NALCN: variants seen among roughly 807,000 people sequenced by gnomAD.
The protein encoded by NALCN is sodium leak channel NALCN.
NALCN carries 111 observed loss-of-function variants against 225.3 expected under a neutral mutation model. The ratio of observed to expected loss-of-function variants is 0.49; its 90% CI spans 0.42 to 0.58. The LOEUF (loss-of-function observed/expected upper bound fraction) is 0.58, where lower values mean the gene tolerates loss of function less well. NALCN is among the 20% of genes least tolerant of loss of function. The probability of loss-of-function intolerance (pLI) is 0.00; values close to 1 mark genes in which losing one functional copy is unlikely to be tolerated. For missense variants in NALCN, 1,378 were observed against 2,202.4 expected (o/e 0.63, Z 7.49); for synonymous variants, 764 against 769.0 (o/e 0.99, Z 0.11).
intron 15 of NALCN, among the ~76,000 whole-genome samples, chr13:101,158,818 T>C (rs973082937): frequency 6.6e-6 from 1 of 152,210 alleles, no homozygotes; most frequent in Non-Finnish European, 1.5e-5. Context: ...AAAGGAGGAA[T>C]AATCTCTCTC....
At chr13:101,055,794 G>A (rs1223118835) in intron 43 of NALCN, among the ~76,000 whole-genome samples, 1 of 152,070 alleles carries the variant, frequency 6.6e-6, no homozygotes, top group East Asian at 1.9e-4. Context: ...ACTATTAAGT[G>A]TCACAGAAAC....
intron 7 of NALCN, among the ~76,000 whole-genome samples, chr13:101,342,614 T>C (rs1420617421): frequency 2.6e-5 from 4 of 152,184 alleles, no homozygotes; most frequent in Admixed American, 1.3e-4. Context: ...AGATCCACAG[T>C]AGGCAGAATC....
In NALCN at chr13:101,338,904, G is replaced by T. The variant is rs947246281; in HGVS notation, c.799+6362C>A. ...AAGTGAGTTCAGCCTGCCTCTGCCCGGAGTTCTCTGTAATTCTAATCCCAC... is the reference window on the plus strand; with the variant it reads ...AAGTGAGTTCAGCCTGCCTCTGCCCTGAGTTCTCTGTAATTCTAATCCCAC... On this transcript the variant is annotated intron_variant, in intron 7 of 43. Coordinates refer to ENST00000251127, the MANE Select transcript of NALCN (RefSeq NM_052867.4). Among the ~76,000 whole-genome samples, 9 of 152,148 alleles carry T rather than the reference G, an allele frequency of 5.9e-5. No homozygotes were observed. The East Asian group carries it at 1.5e-3, about 26-fold the overall frequency.
At position 101,385,795 on chromosome 13, in the gene NALCN, T is replaced by G. The variant is rs74687735; in HGVS notation, c.292-7142A>C. Among the ~76,000 whole-genome samples the G allele has an allele frequency of 3.3e-3, 500 of 152,300 alleles. 2 individuals are homozygous for G. The highest frequency in any genetic ancestry group is 0.011 in the African/African-American group (463 of 41,572). ...AGTTTACCAACCCAGGCCCATTTTA[T>G]CATATTTCACCAATTCTAAAACACA... On this transcript the variant is annotated intron_variant, in intron 3 of 43. Coordinates refer to ENST00000251127, the MANE Select transcript of NALCN (RefSeq NM_052867.4).
At chr13:101,132,351 AAAT>A (rs1373266907) in intron 17 of NALCN, among the ~76,000 whole-genome samples, 1 of 152,058 alleles carries the variant, frequency 6.6e-6, no homozygotes, top group East Asian at 1.9e-4. Context: ...CATTTTGGTC[AAAT>A]AATATCTTTT....
At chr13:101,221,244 G>A (rs551903444) in intron 13 of NALCN, among the ~76,000 whole-genome samples, 123 of 151,910 alleles carry the variant, frequency 8.1e-4, no homozygotes, top group African/African-American at 2.9e-3. Flanking sequence ...TCAGCCTCCT[G>A]AGTAGCTGGG....
intron 6 of NALCN, among the ~76,000 whole-genome samples, chr13:101,349,691 C>T (rs2045851141): frequency 6.6e-6 from 1 of 152,184 alleles, no homozygotes; most frequent in Non-Finnish European, 1.5e-5. Flanking sequence ...CTGCTCTGAG[C>T]TCTGTCTTTG....
chr13:101,264,077 T>C (rs1033491905), intron 10 of NALCN, among the ~76,000 whole-genome samples: 7 of 152,208 alleles, frequency 4.6e-5, no homozygotes, highest in Non-Finnish European at 1.0e-4. Flanking sequence ...CAAAATATTA[T>C]ATGACTTGAG....
intron 9 of NALCN, 62 bp from the exon 10 acceptor site, chr13:101,284,081 G>T: frequency 7.2e-7 from 1 of 1,389,338 alleles, no homozygotes. Context: ...AGAACTCTAT[G>T]TCTCCAGCTT....
At chr13:101,222,495 C>A (rs1485165057) in intron 13 of NALCN, among the ~76,000 whole-genome samples, 1 of 152,112 alleles carries the variant, frequency 6.6e-6, no homozygotes, top group African/African-American at 2.4e-5. Context: ...CTTACTTCCA[C>A]TCACATAAAG....
Position 101,258,447 on chromosome 13 carries a change from G to T in NALCN, c.1262C>A (p.Ala421Glu), listed in dbSNP as rs763952747. The change falls in exon 11 of 44, where the codon GCG becomes GAG. Residue 421 changes from alanine to glutamate, a missense_variant. Physicochemically the swap from Ala to Glu is moderately radical, Grantham distance 107. Transcript: ENST00000251127. ...FRRQYDEFYL[A>E]EVAFTVLFDL... is the part of the protein sequence containing the mutation. ...GCACGGTGGAGAGCTGCTTACCTCCGCCAGGTAGAACTCGTCGTACTGCCT... is the reference window on the plus strand; with the variant it reads ...GCACGGTGGAGAGCTGCTTACCTCCTCCAGGTAGAACTCGTCGTACTGCCT... 1.6e-5 allele frequency: 26 copies of T among 1,613,844 alleles called. No homozygotes were observed. The highest frequency in any genetic ancestry group is 1.5e-4 in the Admixed American group (9 of 59,990).
Position 101,416,306 on chromosome 13 carries a change from G to A in NALCN, c.-40+7C>T, listed in dbSNP as rs1364894632. 2 of 152,050 alleles carry A rather than the reference G, an allele frequency of 1.3e-5. No homozygotes were observed. Among genetic ancestry groups the A allele is most frequent in the Non-Finnish European group, 2.9e-5 (2 of 68,178 alleles). The allele number at this position is 152,050 out of a possible 1,614,324, so 9.4% of individuals were successfully genotyped here. ...CAGCCTCCCGGGCACCGGCGGCGGT[G>A]ACCAACCTGTAACCCCAGCGCTCAG... On this transcript the variant is annotated splice_region_variant and intron_variant, in intron 1 of 43. Coordinates refer to ENST00000251127, the MANE Select transcript of NALCN (RefSeq NM_052867.4).
At chr13:101,202,208 C>T (rs1457157230) in intron 13 of NALCN, among the ~76,000 whole-genome samples, 3 of 152,104 alleles carry the variant, frequency 2.0e-5, no homozygotes, top group Non-Finnish European at 4.4e-5. Flanking sequence ...TATTGATATA[C>T]AGTAAATGCT....
chr13:101,289,857 C>T (rs1365926082), intron 9 of NALCN, among the ~76,000 whole-genome samples: 1 of 152,100 alleles, frequency 6.6e-6, no homozygotes, highest in African/African-American at 2.4e-5. Flanking sequence ...AGCATCATGG[C>T]AAATTATGTC....
intron 4 of NALCN, among the ~76,000 whole-genome samples, chr13:101,377,634 T>C (rs965390895): frequency 6.6e-6 from 1 of 152,168 alleles, no homozygotes; most frequent in African/African-American, 2.4e-5. Context: ...GGAAAGCTTA[T>C]CAACAAACAC....
intron 13 of NALCN, among the ~76,000 whole-genome samples, chr13:101,208,063 C>A (rs1400721232): frequency 6.6e-6 from 1 of 152,014 alleles, no homozygotes; most frequent in Non-Finnish European, 1.5e-5. Flanking sequence ...ACAACGAACC[C>A]ACCAGGAGGG....
chr13:101,332,397 CAAAAAAAAAAAAA>C (rs753158247), intron 7 of NALCN, among the ~76,000 whole-genome samples: 7 of 57,856 alleles, frequency 1.2e-4, no homozygotes, highest in Non-Finnish European at 1.5e-4. Flanking sequence ...TTCACAAAGC[CAAAAAAAAAAAAA>C]AAAAAAAAAA....
At position 101,348,543 on chromosome 13, in the gene NALCN, T is replaced by C. The variant is rs1413290686; in HGVS notation, c.645-3123A>G. 2.0e-5 allele frequency among the ~76,000 whole-genome samples: 3 copies of C among 152,178 alleles called. No individual in the cohort carries two copies. In the South Asian group the frequency reaches 6.2e-4, roughly 31 times the overall value. On this transcript the variant is annotated intron_variant, in intron 6 of 43. Coordinates refer to ENST00000251127, the MANE Select transcript of NALCN (RefSeq NM_052867.4). ...GCATTTTAATGATTAAATTAGATAA[T>C]GTGCAACACTCAGAATGGTGCCAAA... is the stretch of plus-strand genomic sequence containing the variant.
At chr13:101,195,078 G>A (rs368418608) in intron 13 of NALCN, among the ~76,000 whole-genome samples, 2 of 152,260 alleles carry the variant, frequency 1.3e-5, no homozygotes, top group East Asian at 1.9e-4. Flanking sequence ...TTAAAGTACT[G>A]AGGGGCAACA....
Sources: gnomAD v4.1 joint callset for allele counts (sites outside exome capture counted in the v4.1 genomes callset) on GRCh38, gnomAD v4.1.1 for gene constraint, MANE v1.5 for transcripts, NCBI Gene and HGNC (gene_info 2026-07-23, HGNC 2026-07-21) for gene names.